The following CHRM3 variants were observed in gnomAD, a reference collection of about 807,000 sequenced individuals.
The protein encoded by CHRM3 is muscarinic acetylcholine receptor M3.
CHRM3 carries 11 observed loss-of-function variants against 41.8 expected under a neutral mutation model. The observed-to-expected ratio is 0.26, with a 90% CI of 0.17 to 0.44. The LOEUF is 0.44. Ranked by LOEUF, CHRM3 falls within the 20% of genes least tolerant of loss-of-function variation. CHRM3 has a pLI of 1.00. For missense variants in CHRM3, 571 were observed against 745.4 expected, an observed-to-expected ratio of 0.77 and a Z score of 2.72; for synonymous variants, 297 against 301.4, an observed-to-expected ratio of 0.99 and a Z score of 0.15.
intron 5 of CHRM3, among the ~76,000 whole-genome samples, chr1:239,777,478 T>C (rs1475810599): frequency 2.0e-5 from 3 of 152,220 alleles, no homozygotes; most frequent in Admixed American, 1.3e-4. Context: ...TTTGGGGTGG[T>C]ACTAATTGAC....
At chr1:239,528,016 T>G (rs537689118) in intron 2 of CHRM3, among the ~76,000 whole-genome samples, 5 of 152,294 alleles carry the variant, frequency 3.3e-5, no homozygotes, top group African/African-American at 1.2e-4. Context: ...TGGAAACGTG[T>G]GGGCTTACTT....
intron 3 of CHRM3, among the ~76,000 whole-genome samples, chr1:239,630,503 A>C (rs924666777): frequency 2.0e-5 from 3 of 152,208 alleles, no homozygotes; most frequent in Non-Finnish European, 4.4e-5. Flanking sequence ...TAGCAGTGAA[A>C]GATGAATTGT....
Position 239,911,459 on chromosome 1 carries a change from C to T in CHRM3, c.*2235C>T, listed in dbSNP as rs940445092. ...CCTGGCACTAATAAATATGTGAAAG[C>T]TTATTCAAGTGTCCCAGTACTTCAG... On this transcript the variant is annotated 3_prime_UTR_variant, in exon 7 of 7. Coordinates refer to ENST00000676153, the MANE Select transcript of CHRM3 (RefSeq NM_001375978.1). 6.0e-6 allele frequency: 1 copy of T among 166,546 alleles called. No homozygotes were observed. The highest frequency in any genetic ancestry group is 2.4e-5 in the African/African-American group (1 of 41,208). 10.3% of individuals were successfully genotyped at this position (166,546 alleles called of 1,614,324 possible).
At chr1:239,391,070 C>T (rs11800868) in intron 1 of CHRM3, among the ~76,000 whole-genome samples, 2,319 of 152,208 alleles carry the variant, frequency 0.015, 41 homozygotes, top group Non-Finnish European at 0.024. Context: ...TGCAGAAGTT[C>T]GAGACTGCAG....
chr1:239,720,790 A>C (rs927991026), intron 5 of CHRM3, among the ~76,000 whole-genome samples: 6 of 151,946 alleles, frequency 3.9e-5, no homozygotes, highest in African/African-American at 1.4e-4. Context: ...TCTTACTTAT[A>C]ATCAAAGTGG....
chr1:239,892,298 T>C (rs2102950484), intron 6 of CHRM3, among the ~76,000 whole-genome samples: 1 of 152,328 alleles, frequency 6.6e-6, no homozygotes. Flanking sequence ...ATTTTATTAT[T>C]ATTTTATTTT....
intron 5 of CHRM3, chr1:239,703,906 GATTT>G (rs1660908045): frequency 6.6e-6 from 1 of 152,112 alleles, no homozygotes; most frequent in Non-Finnish European, 1.5e-5. Context: ...GGGAAACACA[GATTT>G]ATTTGTTTAT....
At chr1:239,400,332 C>A (rs1011580808) in intron 1 of CHRM3, among the ~76,000 whole-genome samples, 3 of 152,048 alleles carry the variant, frequency 2.0e-5, no homozygotes, top group Non-Finnish European at 4.4e-5. Flanking sequence ...TTTTTGACTT[C>A]CTTATATGTT....
At chr1:239,589,090 T>C (rs1266145542) in intron 3 of CHRM3, among the ~76,000 whole-genome samples, 2 of 152,008 alleles carry the variant, frequency 1.3e-5, no homozygotes, top group Non-Finnish European at 2.9e-5. Flanking sequence ...CGTGCCGTCA[T>C]GCCTGGCTGA....
intron 6 of CHRM3, among the ~76,000 whole-genome samples, chr1:239,839,175 A>G (rs1673577177): frequency 6.6e-6 from 1 of 152,270 alleles, no homozygotes; most frequent in Non-Finnish European, 1.5e-5. Context: ...AAATAAGAAT[A>G]TCAGGGCTAA....
chr1:239,801,732 G>T (rs1418013812), intron 5 of CHRM3, among the ~76,000 whole-genome samples: 16 of 152,076 alleles, frequency 1.1e-4, no homozygotes. Flanking sequence ...TACATAAAAA[G>T]AATTTTAAAA....
chr1:239,642,890 G>A (rs1338344829), intron 4 of CHRM3, among the ~76,000 whole-genome samples: 5 of 152,218 alleles, frequency 3.3e-5, no homozygotes, highest in Admixed American at 3.3e-4. Flanking sequence ...CCCCATCTTT[G>A]TGGTTTTATC....
At chr1:239,759,386 A>T (rs969611162) in intron 5 of CHRM3, among the ~76,000 whole-genome samples, 2 of 151,724 alleles carry the variant, frequency 1.3e-5, no homozygotes, top group African/African-American at 4.8e-5. Context: ...ATTTATCAAA[A>T]TGGAAGTGAG....
At chr1:239,575,294 G>T (rs538760832) in intron 3 of CHRM3, among the ~76,000 whole-genome samples, 24 of 152,140 alleles carry the variant, frequency 1.6e-4, no homozygotes, top group Non-Finnish European at 3.2e-4. Context: ...AAGTGGGAGT[G>T]ATTCCTCTTT....
chr1:239,575,976 C>G (rs1277180590), intron 3 of CHRM3, among the ~76,000 whole-genome samples: 2 of 152,082 alleles, frequency 1.3e-5, no homozygotes, highest in South Asian at 2.1e-4. Flanking sequence ...CTCCCCTACC[C>G]CTGGTGACTG....
intron 6 of CHRM3, among the ~76,000 whole-genome samples, chr1:239,895,172 C>T (rs761813615): frequency 2.5e-4 from 38 of 152,216 alleles, no homozygotes; most frequent in Admixed American, 5.9e-4. Context: ...AGCAGTTCCA[C>T]GACAACTGCC....
chr1:239,633,109 A>T (rs753410262), intron 4 of CHRM3, among the ~76,000 whole-genome samples: 9 of 152,142 alleles, frequency 5.9e-5, no homozygotes, highest in Non-Finnish European at 1.2e-4. Flanking sequence ...AGTAGCTGGG[A>T]CTACAAGCGC....
intron 2 of CHRM3, among the ~76,000 whole-genome samples, chr1:239,540,298 T>C (rs1572649329): frequency 1.3e-5 from 2 of 151,726 alleles, no homozygotes; most frequent in South Asian, 4.2e-4. Flanking sequence ...AGATTGCTTA[T>C]GCTAATCGGG....
intron 4 of CHRM3, among the ~76,000 whole-genome samples, chr1:239,642,692 T>G (rs532972858): frequency 5.2e-4 from 79 of 152,208 alleles, no homozygotes; most frequent in Admixed American, 3.3e-3. Context: ...AGTTTTTAAC[T>G]TCTTTGCCTT....
Sources: allele counts gnomAD v4.1 joint callset (sites outside exome capture counted in the v4.1 genomes callset), GRCh38; gene constraint gnomAD v4.1.1; transcripts MANE v1.5; gene names NCBI Gene and HGNC (gene_info 2026-07-23, HGNC 2026-07-21).